TLN2: variants seen among roughly 807,000 people sequenced by gnomAD.
TLN2 encodes the protein talin-2.
In TLN2, 118 loss-of-function variants were observed where a neutral mutation model predicts 294.7. The ratio of observed to expected loss-of-function variants is 0.40; its 90% CI spans 0.34 to 0.47. The LOEUF (loss-of-function observed/expected upper bound fraction) is 0.47. TLN2 is among the 20% of genes least tolerant of loss of function. TLN2 has a pLI of 0.84. For synonymous variants in TLN2, 1,431 were observed against 1,304.5 expected, an observed-to-expected ratio of 1.10 and a Z score of -2.09; for missense variants, 3,083 against 3,282.2, an observed-to-expected ratio of 0.94 and a Z score of 1.48.
intron 28 of TLN2, among the ~76,000 whole-genome samples, chr15:62,729,019 T>G (rs1476809745): frequency 6.6e-6 from 1 of 152,228 alleles, no homozygotes; most frequent in Non-Finnish European, 1.5e-5. Context: ...ATGAGTTTTA[T>G]TTATGTGCAG....
intron 1 of TLN2, among the ~76,000 whole-genome samples, chr15:62,472,436 C>T (rs551389291): frequency 6.6e-6 from 1 of 152,340 alleles, no homozygotes; most frequent in Non-Finnish European, 1.5e-5. Context: ...GGACCCTAGA[C>T]AGCATCTGGC....
chr15:62,432,689 G>A (rs1449391805), intron 1 of TLN2, among the ~76,000 whole-genome samples: 2 of 152,186 alleles, frequency 1.3e-5, no homozygotes, highest in African/African-American at 4.8e-5. Context: ...ACTGCAGGAG[G>A]TGTTTTATGG....
rs1434371636 is a variant in TLN2 at position 62,817,628 on chromosome 15, A to G, written c.6772-1888A>G. 2.0e-5 allele frequency among the ~76,000 whole-genome samples: 3 copies of G among 152,030 alleles called. No homozygotes were observed. The East Asian group carries it at 5.8e-4, about 29-fold the overall frequency. The stretch of plus-strand genomic sequence containing the variant: ...ATCGGTTTTTTTCTAAGCTTTCTTT[A>G]TAGTCATGGTGCAAAGGGGTTAGTC... On this transcript the variant is annotated intron_variant, in intron 52 of 58. Transcript: ENST00000636159.
intron 2 of TLN2, among the ~76,000 whole-genome samples, chr15:62,618,012 T>A (rs1425408073): frequency 1.3e-5 from 2 of 151,478 alleles, no homozygotes; most frequent in Admixed American, 1.3e-4. Context: ...TTGCCTGGGT[T>A]GGTCTCGAAC....
rs574129524 is a variant in TLN2, at chr15:62,774,605, G to A, written c.5368-2159G>A. 1.5e-4 allele frequency among the ~76,000 whole-genome samples: 23 copies of A among 152,290 alleles called. No homozygotes were observed. The East Asian group carries it at 4.2e-3, about 28-fold the overall frequency. ...AATTGGAGGAGGCTTCATAGAAGAG[G>A]TAGACGTTGAGCTGACCCTCTAAGA... On this transcript the variant is annotated intron_variant, in intron 42 of 58. Coordinates refer to ENST00000636159, the MANE Select transcript of TLN2 (RefSeq NM_015059.3).
rs187079416 is a variant in TLN2 at position 62,563,232 on chromosome 15, G to A, written c.-237-26455G>A. On this transcript the variant is annotated intron_variant, in intron 1 of 58. Transcript: ENST00000636159. Reference sequence around the variant, plus strand: ...CACCAGCAGTGTAGAAGTGCTCCCTGTTCACCGCATCCACACCGACATCTA... The same window carrying A: ...CACCAGCAGTGTAGAAGTGCTCCCTATTCACCGCATCCACACCGACATCTA... Among the ~76,000 whole-genome samples the A allele has an allele frequency of 7.9e-5, 12 of 152,010 alleles. No individual in the cohort carries two copies. The East Asian group carries it at 1.9e-3, about 25-fold the overall frequency.
chr15:62,615,526 C>T (rs578105976), intron 2 of TLN2, among the ~76,000 whole-genome samples: 2 of 152,158 alleles, frequency 1.3e-5, no homozygotes, highest in Non-Finnish European at 1.5e-5. Context: ...TGTAGGAAAT[C>T]AAAACACAGC....
At position 62,534,387 on chromosome 15, in the gene TLN2, C is replaced by T. The variant is rs956279214; in HGVS notation, c.-237-55300C>T. 8.5e-5 allele frequency among the ~76,000 whole-genome samples: 13 copies of T among 152,110 alleles called. 1 individual carries two copies. The highest frequency in any genetic ancestry group is 1.9e-4 in the African/African-American group (8 of 41,412). On this transcript the variant is annotated intron_variant, in intron 1 of 58. Coordinates refer to ENST00000636159, the MANE Select transcript of TLN2 (RefSeq NM_015059.3). ...CTGGGGGTTCCCATGACACCCTTTT[C>T]GGACTCAATTTAATTTGCTAGAACA... is the stretch of plus-strand genomic sequence containing the variant.
intron 1 of TLN2, among the ~76,000 whole-genome samples, chr15:62,491,870 T>C (rs1038537012): frequency 1.3e-5 from 2 of 152,198 alleles, no homozygotes; most frequent in Admixed American, 6.5e-5. Context: ...TGATGTTTTC[T>C]GTGGTCTTGT....
At chr15:62,789,762 G>T (rs1272163319) in intron 45 of TLN2, among the ~76,000 whole-genome samples, 1 of 152,166 alleles carries the variant, frequency 6.6e-6, no homozygotes, top group African/African-American at 2.4e-5. Context: ...TGAGAGCCTG[G>T]GTCTCTTCTA....
At chr15:62,554,528 T>G (rs1276463165) in intron 1 of TLN2, among the ~76,000 whole-genome samples, 1 of 151,900 alleles carries the variant, frequency 6.6e-6, no homozygotes, top group Non-Finnish European at 1.5e-5. Context: ...ATTGTAGAAC[T>G]TTGAAATAAG....
intron 1 of TLN2, among the ~76,000 whole-genome samples, chr15:62,493,830 C>T (rs1442000913): frequency 1.3e-5 from 2 of 152,102 alleles, no homozygotes; most frequent in Non-Finnish European, 2.9e-5. Flanking sequence ...AGGCTGGTCT[C>T]GATCTCCTGA....
intron 51 of TLN2, among the ~76,000 whole-genome samples, chr15:62,809,525 C>G (rs192326714): frequency 6.6e-6 from 1 of 152,044 alleles, no homozygotes; most frequent in Non-Finnish European, 1.5e-5. Context: ...TTTCAGGACC[C>G]CTTAAGCTGC....
At chr15:62,642,418 G>T (rs2051225880) in intron 3 of TLN2, among the ~76,000 whole-genome samples, 1 of 152,240 alleles carries the variant, frequency 6.6e-6, no homozygotes, top group Non-Finnish European at 1.5e-5. Flanking sequence ...TAACCTCAGA[G>T]TCTGCACCAT....
chr15:62,843,380 AT>A lies in TLN2; in HGVS notation c.*2773del, dbSNP rs950834830. ...CTTTAGATAGGGATGCTGAGGTCATATTTAGTTCAATGAACAGCCCTTGTTT... is the reference window on the plus strand; with the variant it reads ...CTTTAGATAGGGATGCTGAGGTCATATTAGTTCAATGAACAGCCCTTGTTT... On this transcript the variant is annotated 3_prime_UTR_variant, in exon 59 of 59. Transcript: ENST00000636159. The A allele has an allele frequency of 6.6e-5, 10 of 152,222 alleles. No homozygotes were observed. The highest frequency in any genetic ancestry group is 1.2e-4 in the Non-Finnish European group (8 of 68,064). The allele number at this position is 152,222 out of a possible 1,614,324, so 9.4% of individuals were successfully genotyped here. A position where few individuals can be genotyped will look rare whatever the true frequency, so the allele number is the denominator to read the frequency against.
At chr15:62,476,765 C>T (rs375092225) in intron 1 of TLN2, among the ~76,000 whole-genome samples, 8 of 152,216 alleles carry the variant, frequency 5.3e-5, no homozygotes, top group African/African-American at 1.9e-4. Context: ...TTCGAGAAAG[C>T]ACCCGCTTTA....
intron 1 of TLN2, among the ~76,000 whole-genome samples, chr15:62,468,184 C>T (rs2037251190): frequency 6.6e-6 from 1 of 151,650 alleles, no homozygotes; most frequent in Non-Finnish European, 1.5e-5. Flanking sequence ...GAGCAGGCCT[C>T]ATTTTGGTGT....
intron 45 of TLN2, among the ~76,000 whole-genome samples, chr15:62,788,733 A>G (rs2064873004): frequency 6.6e-6 from 1 of 152,388 alleles, no homozygotes; most frequent in Admixed American, 6.5e-5. Context: ...CCAGGATTCA[A>G]ACCCAGGTTA....
chr15:62,797,419 G>A lies in TLN2; in HGVS notation c.6234+17G>A. ...GAGACCCAGGTACCAGCAGGGCCTG[G>A]GGAGTGCGTCCTCCCGGTCTTCCCG... is the stretch of plus-strand genomic sequence containing the variant. On this transcript the variant is annotated intron_variant, in intron 48 of 58. Coordinates refer to ENST00000636159, the MANE Select transcript of TLN2 (RefSeq NM_015059.3). The A allele has an allele frequency of 6.3e-7, 1 of 1,577,500 alleles. No individual in the cohort carries two copies. Among genetic ancestry groups the A allele is most frequent in the Non-Finnish European group, 8.6e-7 (1 of 1,167,180 alleles).
Sources: gnomAD v4.1 joint callset for allele counts (sites outside exome capture counted in the v4.1 genomes callset) on GRCh38, gnomAD v4.1.1 for gene constraint, MANE v1.5 for transcripts, NCBI Gene and HGNC (gene_info 2026-07-23, HGNC 2026-07-21) for gene names.